Variants in CCNK observed in about 807,000 individuals in gnomAD.
The protein encoded by CCNK is cyclin-K.
Under a neutral mutation model 65.0 loss-of-function variants are expected in CCNK, and 9 were observed. The ratio of observed to expected loss-of-function variants is 0.14; its 90% CI spans 0.08 to 0.24. The LOEUF (loss-of-function observed/expected upper bound fraction) is 0.24. CCNK is among the 10% of genes least tolerant of loss of function. The pLI, the probability that CCNK is intolerant of heterozygous loss-of-function variation, is 1.00. For missense variants in CCNK, 474 were observed against 720.0 expected, an observed-to-expected ratio of 0.66 and a Z score of 3.91; for synonymous variants, 279 against 270.8, an observed-to-expected ratio of 1.03 and a Z score of -0.30.
At chr14:99,483,041 ATTC>A (rs1483662705) in intron 1 of CCNK, among the ~76,000 whole-genome samples, 1 of 152,248 alleles carries the variant, frequency 6.6e-6, no homozygotes, top group East Asian at 1.9e-4. Context: ...TAAAATCGTT[ATTC>A]TTAGATTTTG....
chr14:99,490,989 A>G (rs1363475721), intron 1 of CCNK, among the ~76,000 whole-genome samples: 2 of 151,786 alleles, frequency 1.3e-5, no homozygotes, highest in Admixed American at 1.3e-4. Flanking sequence ...AGATGCTAAC[A>G]TACTGTGTAC....
At chr14:99,486,808 T>C (rs987638967) in intron 1 of CCNK, among the ~76,000 whole-genome samples, 3 of 152,218 alleles carry the variant, frequency 2.0e-5, no homozygotes, top group African/African-American at 7.2e-5. Context: ...TATAATCTCC[T>C]AACTCTTCCT....
At chr14:99,492,297 C>G (rs1400692933) in intron 1 of CCNK, 1 of 184,968 alleles carries the variant, frequency 5.4e-6, no homozygotes. Flanking sequence ...ACCTGTATGT[C>G]TAGTGAAGAA....
intron 1 of CCNK, 98 bp downstream of exon 1, chr14:99,481,577 C>T (rs1896321952): frequency 7.5e-6 from 3 of 397,590 alleles, no homozygotes; most frequent in Non-Finnish European, 8.9e-6. Flanking sequence ...CTGGCGGAGT[C>T]TCTCTTTCCG....
At chr14:99,503,585 C>T (rs1229914719) in intron 8 of CCNK, 26 bp from the exon 9 acceptor site, 4 of 1,549,322 alleles carry the variant, frequency 2.6e-6, no homozygotes, top group South Asian at 2.4e-5. Flanking sequence ...TCCCAGTTAA[C>T]AATTGTGTAT....
chr14:99,504,621 TG>T (rs1896928184), intron 9 of CCNK: 1 of 152,124 alleles, frequency 6.6e-6, no homozygotes, highest in Non-Finnish European at 1.5e-5. Context: ...TGGCTAATTT[TG>T]TATTTTTAGT....
At chr14:99,502,598 G>A in intron 7 of CCNK, 121 bp from the exon 8 acceptor site, 1 of 1,208,754 alleles carries the variant, frequency 8.3e-7, no homozygotes, top group Non-Finnish European at 1.2e-6. Flanking sequence ...AAGATGGGGT[G>A]AGTTGTAAAT....
chr14:99,502,529 C>T, intron 7 of CCNK, 153 bp downstream of exon 7: 1 of 1,337,184 alleles, frequency 7.5e-7, no homozygotes, highest in South Asian at 1.5e-5. Flanking sequence ...ATAGTTTCCA[C>T]TTTGTCCAAA....
chr14:99,502,528 A>G (rs1896858662), intron 7 of CCNK, 152 bp downstream of exon 7: 1 of 1,337,692 alleles, frequency 7.5e-7, no homozygotes, highest in African/African-American at 1.5e-5. Flanking sequence ...AATAGTTTCC[A>G]CTTTGTCCAA....
chr14:99,492,622 A>G lies in CCNK; in HGVS notation c.-52-4A>G, dbSNP rs3918064. 1,112 of 1,459,370 alleles carry G rather than the reference A, an allele frequency of 7.6e-4. 3 individuals are homozygous for G. The African/African-American group carries it at 0.014, about 18-fold the overall frequency. 90.4% of individuals were successfully genotyped at this position (1,459,370 alleles called of 1,614,324 possible). A position where few individuals can be genotyped will look rare whatever the true frequency, so the allele number is the denominator to read the frequency against. On this transcript the variant is annotated splice_region_variant and splice_polypyrimidine_tract_variant and intron_variant, in intron 1 of 10. Transcript: ENST00000389879. ...TTCCAACTTTGTTTTTCTCTTTCTC[A>G]TAGGATTCTAACATTTTCAGAGAAC...
chr14:99,490,352 A>T (rs1381646304), intron 1 of CCNK, among the ~76,000 whole-genome samples: 1 of 152,210 alleles, frequency 6.6e-6, no homozygotes, highest in Non-Finnish European at 1.5e-5. Flanking sequence ...ATGTGTAGTT[A>T]ATAGTGGTTA....
intron 1 of CCNK, among the ~76,000 whole-genome samples, chr14:99,483,762 G>A (rs1304038802): frequency 1.3e-5 from 2 of 152,242 alleles, no homozygotes; most frequent in Non-Finnish European, 1.5e-5. Flanking sequence ...TACCAAACCC[G>A]AAATGTTGAT....
chr14:99,501,630 T>C lies in CCNK; in HGVS notation c.575+217T>C, dbSNP rs3918088. 3.6e-3 allele frequency: 1,905 copies of C among 522,430 alleles called. 28 individuals are homozygous for C. The highest frequency in any genetic ancestry group is 0.032 in the African/African-American group (1,645 of 51,532). The allele number at this position is 522,430 out of a possible 1,614,324, so 32.4% of individuals were successfully genotyped here. ...GCCGTGTCATGGTGTTGTGAGGTGCTGAAATTTTATCACCAGTCTGAAACA... is the reference window on the plus strand; with the variant it reads ...GCCGTGTCATGGTGTTGTGAGGTGCCGAAATTTTATCACCAGTCTGAAACA... On this transcript the variant is annotated intron_variant, in intron 6 of 10. Coordinates refer to ENST00000389879, the MANE Select transcript of CCNK (RefSeq NM_001099402.2).
At chr14:99,507,540 T>A (rs1426228077) in intron 10 of CCNK, 2 of 185,068 alleles carry the variant, frequency 1.1e-5, no homozygotes, top group African/African-American at 4.7e-5. Context: ...TACTCCAGCC[T>A]GGGTGAGAGG....
At chr14:99,499,242 T>C (rs1321645991) in intron 4 of CCNK, among the ~76,000 whole-genome samples, 1 of 152,202 alleles carries the variant, frequency 6.6e-6, no homozygotes, top group Non-Finnish European at 1.5e-5. Flanking sequence ...TTCAGCATGT[T>C]GGCCAGGCTG....
intron 1 of CCNK, among the ~76,000 whole-genome samples, chr14:99,485,255 C>A (rs994222536): frequency 6.6e-6 from 1 of 152,150 alleles, no homozygotes. Flanking sequence ...ACGATTTATC[C>A]GCTTGTGGAC....
intron 8 of CCNK, 101 bp from the exon 9 acceptor site, chr14:99,503,510 A>T: frequency 2.0e-6 from 2 of 1,004,878 alleles, no homozygotes; most frequent in South Asian, 1.5e-5. Flanking sequence ...GGCTGTTCAC[A>T]GTGACTGCCG....
chr14:99,504,007 G>A (rs3918092), intron 9 of CCNK: 7,300 of 352,656 alleles, frequency 0.021, 108 homozygotes, highest in Middle Eastern at 0.039. Flanking sequence ...CAGCAGATGC[G>A]GGGGGGCAGT....
In CCNK at chr14:99,501,647, T is replaced by C. The variant is rs1422297883; in HGVS notation, c.575+234T>C. 9.6e-6 allele frequency: 5 copies of C among 521,160 alleles called. No individual in the cohort carries two copies. In the East Asian group the frequency reaches 1.6e-4, roughly 17 times the overall value. 32.3% of individuals were successfully genotyped at this position (521,160 alleles called of 1,614,324 possible). On this transcript the variant is annotated intron_variant, in intron 6 of 10. Transcript: ENST00000389879. ...TGAGGTGCTGAAATTTTATCACCAGTCTGAAACATAAGTCCAAAACAATAC... is the reference window on the plus strand; with the variant it reads ...TGAGGTGCTGAAATTTTATCACCAGCCTGAAACATAAGTCCAAAACAATAC...
Sources: gnomAD v4.1 joint callset for allele counts (sites outside exome capture counted in the v4.1 genomes callset) on GRCh38, gnomAD v4.1.1 for gene constraint, MANE v1.5 for transcripts, NCBI Gene and HGNC (gene_info 2026-07-23, HGNC 2026-07-21) for gene names.